The following VIPR1 variants were observed in gnomAD, a reference collection of about 807,000 sequenced individuals.
The protein encoded by VIPR1 is vasoactive intestinal peptide receptor 1, also known as vasoactive intestinal polypeptide receptor 1.
A neutral mutation model predicts 58.8 loss-of-function variants in VIPR1; 59 were observed. The ratio of observed to expected loss-of-function variants is 1.00; its 90% confidence interval spans 0.81 to 1.25. VIPR1 has a LOEUF of 1.25. VIPR1 is among the 50% of genes most tolerant of loss of function. The pLI, the probability that VIPR1 is intolerant of heterozygous loss-of-function variation, is 0.00. For missense variants in VIPR1, 626 were observed against 602.7 expected, an observed-to-expected ratio of 1.04 and a Z score of -0.40; for synonymous variants, 251 against 242.1, an observed-to-expected ratio of 1.04 and a Z score of -0.34.
Position 42,536,307 on chromosome 3 carries a change from C to T in VIPR1, c.*26C>T. 1 of 1,489,108 alleles carries T rather than the reference C, an allele frequency of 6.7e-7. No homozygotes were observed. Among genetic ancestry groups the T allele is most frequent in the Non-Finnish European group, 8.9e-7 (1 of 1,122,872 alleles). The allele number at this position is 1,489,108 out of a possible 1,614,324, so 92.2% of individuals were successfully genotyped here. A position where few individuals can be genotyped will look rare whatever the true frequency, so the allele number is the denominator to read the frequency against. On this transcript the variant is annotated 3_prime_UTR_variant, in exon 13 of 13. Transcript: ENST00000325123. ...CCACCAGGATCCCAGGGGCCCAAGGCGGCCCCTCCCGCCCCTTCCCACTCA... is the reference window on the plus strand; with the variant it reads ...CCACCAGGATCCCAGGGGCCCAAGGTGGCCCCTCCCGCCCCTTCCCACTCA...
At chr3:42,494,993 T>G (rs1318107682) in intron 1 of VIPR1, among the ~76,000 whole-genome samples, 1 of 152,208 alleles carries the variant, frequency 6.6e-6, no homozygotes, top group Non-Finnish European at 1.5e-5. Flanking sequence ...GTTTTAAAAT[T>G]TATTAATTGT....
chr3:42,507,101 A>C (rs914055797), intron 1 of VIPR1: 1 of 152,218 alleles, frequency 6.6e-6, no homozygotes, highest in African/African-American at 2.4e-5. Flanking sequence ...TCTAAAACCA[A>C]AGGACACTCT....
intron 3 of VIPR1, among the ~76,000 whole-genome samples, chr3:42,523,604 T>TCC (rs1701067904): frequency 7.7e-6 from 1 of 129,822 alleles, no homozygotes; most frequent in East Asian, 2.1e-4. Flanking sequence ...CCTCCGCCAC[T>TCC]ACACACACAC....
intron 3 of VIPR1, among the ~76,000 whole-genome samples, chr3:42,523,640 C>CACACACACACAT (rs1553638629): frequency 2.2e-4 from 33 of 150,880 alleles, no homozygotes; most frequent in African/African-American, 3.9e-4. Context: ...CACACACACA[C>CACACACACACAT]GGCATGTGAA....
rs1471147834 is a variant in VIPR1, at chr3:42,536,070, A to C, written c.1183-20A>C. On this transcript the variant is annotated intron_variant, in intron 12 of 12. Coordinates refer to ENST00000325123, the MANE Select transcript of VIPR1 (RefSeq NM_004624.4). Reference sequence around the variant, plus strand: ...AAGAGGCTCCACAGCAGTGGGCCTGACCACCTTCCCCTCTCCTAGGTGCAG... The same window carrying C: ...AAGAGGCTCCACAGCAGTGGGCCTGCCCACCTTCCCCTCTCCTAGGTGCAG... 1.3e-6 allele frequency: 2 copies of C among 1,577,816 alleles called. No individual in the cohort carries two copies. Among genetic ancestry groups the C allele is most frequent in the South Asian group, 1.2e-5 (1 of 85,428 alleles).
chr3:42,536,324 T>G lies in VIPR1; in HGVS notation c.*43T>G, dbSNP rs1297566607. 1 of 1,485,382 alleles carries G rather than the reference T, an allele frequency of 6.7e-7. No homozygotes were observed. The highest frequency in any genetic ancestry group is 8.9e-7 in the Non-Finnish European group (1 of 1,122,026). The allele number at this position is 1,485,382 out of a possible 1,614,324, so 92.0% of individuals were successfully genotyped here. ...GCCCAAGGCGGCCCCTCCCGCCCCT[T>G]CCCACTCACCCCGGCAGACGCCGGG... is the stretch of plus-strand genomic sequence containing the variant. On this transcript the variant is annotated 3_prime_UTR_variant, in exon 13 of 13. Coordinates refer to ENST00000325123, the MANE Select transcript of VIPR1 (RefSeq NM_004624.4).
chr3:42,536,390 C>A lies in VIPR1; in HGVS notation c.*109C>A, dbSNP rs891904688. 5 of 1,239,376 alleles carry A rather than the reference C, an allele frequency of 4.0e-6. No homozygotes were observed. The African/African-American group carries it at 6.3e-5, about 16-fold the overall frequency. 76.8% of individuals were successfully genotyped at this position (1,239,376 alleles called of 1,614,324 possible). A position where few individuals can be genotyped will look rare whatever the true frequency, so the allele number is the denominator to read the frequency against. On this transcript the variant is annotated 3_prime_UTR_variant, in exon 13 of 13. Coordinates refer to ENST00000325123, the MANE Select transcript of VIPR1 (RefSeq NM_004624.4). The stretch of plus-strand genomic sequence containing the variant: ...GGGCGCGGCCAGCCCCGGCCCTGGG[C>A]TCGGAGGCTGCCCCCGGCCCCCTGG...
Position 42,502,827 on chromosome 3 carries a change from CGGCCG to C in VIPR1, c.78+15_78+19del. 1 of 1,251,166 alleles carries C rather than the reference CGGCCG, an allele frequency of 8.0e-7. No homozygotes were observed. Among genetic ancestry groups the C allele is most frequent in the Non-Finnish European group, 1.0e-6 (1 of 997,712 alleles). The allele number at this position is 1,251,166 out of a possible 1,614,324, so 77.5% of individuals were successfully genotyped here. On this transcript the variant is annotated intron_variant, in intron 1 of 12. Coordinates refer to ENST00000325123, the MANE Select transcript of VIPR1 (RefSeq NM_004624.4). ...CTTGGGCCGGCGGTGAGTGTTCGCC[CGGCCG>C]CCCAGAGTCCCGGCAGCCTGGGGGT...
At chr3:42,503,749 G>C (rs191855457) in intron 1 of VIPR1, among the ~76,000 whole-genome samples, 19 of 152,298 alleles carry the variant, frequency 1.2e-4, no homozygotes, top group Admixed American at 9.8e-4. Flanking sequence ...AGCCACATCT[G>C]TCTCCCACCA....
rs533506190 is a variant in VIPR1, at chr3:42,531,114, C to T, written c.790+182C>T. 1.0e-5 allele frequency: 8 copies of T among 796,394 alleles called. No homozygotes were observed. In the East Asian group the frequency reaches 2.1e-4, roughly 21 times the overall value. The allele number at this position is 796,394 out of a possible 1,614,324, so 49.3% of individuals were successfully genotyped here. On this transcript the variant is annotated intron_variant, in intron 7 of 12. Coordinates refer to ENST00000325123, the MANE Select transcript of VIPR1 (RefSeq NM_004624.4). ...AAAATGTCTGATCCCAGGACAAGTC[C>T]CTCAGGTTGCAGCTGCACCTAGGGC... is the stretch of plus-strand genomic sequence containing the variant.
chr3:42,497,270 C>T lies in VIPR1; in HGVS notation c.-245+7592C>T, dbSNP rs183825270. On this transcript the variant is annotated intron_variant, in intron 1 of 13. Coordinates refer to the VIPR1 transcript ENST00000433647. ...TGCTGTCTGTGGTTATGGGCACCCTCTGAAACTCAGCCCCTCTCTGCCCTT... is the reference window on the plus strand; with the variant it reads ...TGCTGTCTGTGGTTATGGGCACCCTTTGAAACTCAGCCCCTCTCTGCCCTT... 1.0e-3 allele frequency among the ~76,000 whole-genome samples: 156 copies of T among 152,264 alleles called. 3 individuals carry two copies. In the East Asian group the frequency reaches 0.021, roughly 21 times the overall value.
chr3:42,490,786 G>A (rs1699652231), intron 1 of VIPR1, among the ~76,000 whole-genome samples: 1 of 152,178 alleles, frequency 6.6e-6, no homozygotes, highest in African/African-American at 2.4e-5. Context: ...GAGGTGGGGA[G>A]CCATGGGAAT....
At chr3:42,522,102 T>TATA (rs1553638336) in intron 3 of VIPR1, among the ~76,000 whole-genome samples, 9 of 13,698 alleles carry the variant, frequency 6.6e-4, no homozygotes, top group South Asian at 4.3e-3. Context: ...TATATATATA[T>TATA]TTTTTTTTTT....
At chr3:42,522,562 A>AATTCTTAT (rs1701007956) in intron 3 of VIPR1, among the ~76,000 whole-genome samples, 1 of 152,120 alleles carries the variant, frequency 6.6e-6, no homozygotes, top group Non-Finnish European at 1.5e-5. Context: ...GCTATAAATA[A>AATTCTTAT]GAAAACCTTG....
At chr3:42,504,286 G>A (rs984373488) in intron 1 of VIPR1, among the ~76,000 whole-genome samples, 1 of 152,082 alleles carries the variant, frequency 6.6e-6, no homozygotes, top group African/African-American at 2.4e-5. Context: ...GGGGCAGAGT[G>A]GATTCAGAGA....
intron 1 of VIPR1, among the ~76,000 whole-genome samples, chr3:42,493,783 G>A (rs1220970900): frequency 5.9e-5 from 9 of 152,216 alleles, no homozygotes; most frequent in Non-Finnish European, 1.3e-4. Context: ...TTCTCTGGGC[G>A]TTTCTTCAGG....
At position 42,514,250 on chromosome 3, in the gene VIPR1, G is replaced by A. The variant is rs192731240; in HGVS notation, c.184+396G>A. ...CAGGCAGGTTCCAGGACCCCCTGGA[G>A]CTGGCATGGGAGAATTAGCCCCATA... On this transcript the variant is annotated intron_variant, in intron 2 of 12. Coordinates refer to ENST00000325123, the MANE Select transcript of VIPR1 (RefSeq NM_004624.4). 1.3e-4 allele frequency among the ~76,000 whole-genome samples: 20 copies of A among 152,172 alleles called. 1 individual carries two copies. Among genetic ancestry groups the A allele is most frequent in the African/African-American group, 4.8e-4 (20 of 41,494 alleles).
At chr3:42,515,684 G>A (rs538454538) in intron 2 of VIPR1, among the ~76,000 whole-genome samples, 8 of 152,240 alleles carry the variant, frequency 5.3e-5, no homozygotes, top group Admixed American at 2.0e-4. Flanking sequence ...GGCTCTGTGC[G>A]TGTTCATGCA....
upstream of VIPR1, among the ~76,000 whole-genome samples, chr3:42,499,035 G>T (rs924351467): frequency 6.6e-6 from 1 of 152,170 alleles, no homozygotes; most frequent in Admixed American, 6.5e-5. Flanking sequence ...TACCAGCCCC[G>T]CTCTATGGAT....
Sources: gnomAD v4.1 joint callset for allele counts (sites outside exome capture counted in the v4.1 genomes callset) on GRCh38, gnomAD v4.1.1 for gene constraint, MANE v1.5 for transcripts, NCBI Gene and HGNC (gene_info 2026-07-23, HGNC 2026-07-21) for gene names.